DLC1: variants seen among roughly 807,000 people sequenced by gnomAD.
DLC1 encodes the protein rho GTPase-activating protein 7.
A neutral mutation model predicts 140.3 loss-of-function variants in DLC1; 54 were observed. That is an observed-to-expected ratio of 0.38 (90% confidence interval 0.31 to 0.48). The LOEUF is 0.48. Ranked by LOEUF, DLC1 falls within the 20% of genes least tolerant of loss-of-function variation. DLC1 has a pLI of 0.96. For missense variants in DLC1, 2,536 were observed against 1,907.0 expected, an observed-to-expected ratio of 1.33 and a Z score of -6.14; for synonymous variants, 986 against 728.1, an observed-to-expected ratio of 1.35 and a Z score of -5.70.
At chr8:13,545,629 T>G (rs17094588) in intron 1 of DLC1, among the ~76,000 whole-genome samples, 1 of 151,920 alleles carries the variant, frequency 6.6e-6, no homozygotes, top group Non-Finnish European at 1.5e-5. Context: ...TAATACCATA[T>G]AAAGAGAACA....
Position 13,085,799 on chromosome 8 carries a change from T to C in DLC1, c.*12A>G, listed in dbSNP as rs200598403. The C allele has an allele frequency of 1.9e-6, 3 of 1,614,122 alleles. No individual in the cohort carries two copies. Among genetic ancestry groups the C allele is most frequent in the Admixed American group, 1.7e-5 (1 of 60,014 alleles). On this transcript the variant is annotated 3_prime_UTR_variant, in exon 18 of 18. Transcript: ENST00000276297. ...CACCATGGTGGTGGAAGCGGTTGCGTTGCTTCAGTGATCACCTAGATTTGG... is the reference window on the plus strand; with the variant it reads ...CACCATGGTGGTGGAAGCGGTTGCGCTGCTTCAGTGATCACCTAGATTTGG...
At chr8:13,385,060 G>T (rs568244409) in intron 4 of DLC1, among the ~76,000 whole-genome samples, 4 of 152,288 alleles carry the variant, frequency 2.6e-5, no homozygotes, top group African/African-American at 9.6e-5. Flanking sequence ...CAGTCAGCTT[G>T]GCTGGGACAG....
intron 5 of DLC1, among the ~76,000 whole-genome samples, chr8:13,176,679 G>C (rs575284804): frequency 6.6e-6 from 1 of 152,286 alleles, no homozygotes; most frequent in East Asian, 1.9e-4. Context: ...CAGTGACAAT[G>C]ACCATATCCT....
chr8:13,582,990 A>G (rs2117449842), intron 1 of DLC1, among the ~76,000 whole-genome samples: 1 of 149,756 alleles, frequency 6.7e-6, no homozygotes, highest in East Asian at 2.0e-4. Context: ...GAAAATGCTA[A>G]TGGTCATCTA....
intron 5 of DLC1, among the ~76,000 whole-genome samples, chr8:13,213,309 G>T (rs1004001223): frequency 2.0e-5 from 3 of 152,110 alleles, no homozygotes; most frequent in Non-Finnish European, 4.4e-5. Context: ...ACCTCTGTGG[G>T]CACTATTGTC....
intron 4 of DLC1, among the ~76,000 whole-genome samples, chr8:13,306,583 TGAGAGAGA>T (rs58220489): frequency 2.3e-3 from 284 of 120,986 alleles, no homozygotes; most frequent in South Asian, 7.3e-3. Context: ...TGTGTGTGTG[TGAGAGAGA>T]GAGAGAGAGA....
At chr8:13,148,574 G>A (rs1275317560) in intron 5 of DLC1, among the ~76,000 whole-genome samples, 1 of 152,160 alleles carries the variant, frequency 6.6e-6, no homozygotes, top group South Asian at 2.1e-4. Flanking sequence ...TAAATCCTGT[G>A]TATGTGTGTG....
intron 4 of DLC1, among the ~76,000 whole-genome samples, chr8:13,386,050 C>T (rs1410739893): frequency 2.0e-5 from 3 of 152,040 alleles, no homozygotes; most frequent in Admixed American, 2.0e-4. Flanking sequence ...TTTTTTATTG[C>T]CCAGAAGTAA....
intron 5 of DLC1, among the ~76,000 whole-genome samples, chr8:13,210,060 G>C (rs974646289): frequency 3.3e-5 from 5 of 152,124 alleles, no homozygotes; most frequent in Admixed American, 1.3e-4. Flanking sequence ...GTGTGGGGTA[G>C]GGAGGTAGAG....
intron 3 of DLC1, among the ~76,000 whole-genome samples, chr8:13,400,408 A>T (rs1837242226): frequency 6.6e-6 from 1 of 152,192 alleles, no homozygotes; most frequent in South Asian, 2.1e-4. Flanking sequence ...TGTTCCCAGA[A>T]AGTCAGGTAT....
chr8:13,221,032 T>A (rs1274168263), intron 5 of DLC1, among the ~76,000 whole-genome samples: 1 of 152,152 alleles, frequency 6.6e-6, no homozygotes, highest in Non-Finnish European at 1.5e-5. Flanking sequence ...GCCAAGGGGG[T>A]ACTAGAGGTT....
chr8:13,233,463 A>G (rs1017113841), intron 5 of DLC1, among the ~76,000 whole-genome samples: 1 of 152,060 alleles, frequency 6.6e-6, no homozygotes, highest in Non-Finnish European at 1.5e-5. Context: ...ATACATTTTA[A>G]TATGTTTTTT....
At chr8:13,102,926 A>T in intron 7 of DLC1, 73 bp from the exon 8 acceptor site, 1 of 1,270,094 alleles carries the variant, frequency 7.9e-7, no homozygotes, top group Non-Finnish European at 1.1e-6. Flanking sequence ...ACCTGTTTTT[A>T]AACAATTCAT....
intron 4 of DLC1, among the ~76,000 whole-genome samples, chr8:13,361,738 T>A (rs1292498405): frequency 1.3e-5 from 2 of 152,304 alleles, no homozygotes; most frequent in East Asian, 3.9e-4. Context: ...AAATCTAATG[T>A]CCCTTCTGTT....
chr8:13,358,628 T>TTAA (rs1835060238), intron 4 of DLC1, among the ~76,000 whole-genome samples: 1 of 151,964 alleles, frequency 6.6e-6, no homozygotes, highest in Admixed American at 6.6e-5. Context: ...CTTTCTTAAA[T>TTAA]AACCCCATCA....
At chr8:13,355,920 T>A (rs1047893658) in intron 4 of DLC1, among the ~76,000 whole-genome samples, 1 of 147,240 alleles carries the variant, frequency 6.8e-6, no homozygotes. Context: ...CCGTCTCTAC[T>A]AAAAAAAAAA....
At chr8:13,514,483 T>C (rs1383364086) in intron 1 of DLC1, 119 bp downstream of exon 1, 6 of 397,516 alleles carry the variant, frequency 1.5e-5, no homozygotes, top group Non-Finnish European at 2.2e-5. Context: ...TCTGATTTTA[T>C]GGCTTTGCTC....
intron 5 of DLC1, among the ~76,000 whole-genome samples, chr8:13,143,132 A>G (rs901604276): frequency 1.3e-5 from 2 of 152,152 alleles, no homozygotes; most frequent in Non-Finnish European, 2.9e-5. Context: ...TTTAATGATC[A>G]TGTATAGATA....
At chr8:13,531,520 A>G (rs1803097048) in intron 1 of DLC1, among the ~76,000 whole-genome samples, 1 of 152,164 alleles carries the variant, frequency 6.6e-6, no homozygotes, top group African/African-American at 2.4e-5. Flanking sequence ...TGGGAGGTGC[A>G]GGTTGCAGTG....
Sources: gnomAD v4.1 joint callset for allele counts (sites outside exome capture counted in the v4.1 genomes callset) on GRCh38, gnomAD v4.1.1 for gene constraint, MANE v1.5 for transcripts, NCBI Gene and HGNC (gene_info 2026-07-23, HGNC 2026-07-21) for gene names.